Variants in MMP26 observed in about 807,000 individuals in gnomAD.
MMP26 encodes the protein matrix metalloproteinase-26.
A neutral mutation model predicts 31.0 loss-of-function variants in MMP26; 33 were observed. The observed-to-expected ratio is 1.06, with a 90% CI of 0.81 to 1.42. The LOEUF (loss-of-function observed/expected upper bound fraction) is 1.42. Among genes scored for constraint, MMP26 ranks in the 40% most tolerant of loss-of-function variants. MMP26 has a pLI of 0.00. For synonymous variants in MMP26, 122 were observed against 114.9 expected (o/e 1.06, Z -0.40); for missense variants, 347 against 316.1 (o/e 1.10, Z -0.74).
intron 2 of MMP26, among the ~76,000 whole-genome samples, chr11:4,956,085 T>A (rs1846439251): frequency 6.6e-6 from 1 of 152,208 alleles, no homozygotes; most frequent in Non-Finnish European, 1.5e-5. Flanking sequence ...AATTCTTTCT[T>A]TCAGATGTAT....
intron 2 of MMP26, among the ~76,000 whole-genome samples, chr11:4,962,682 C>CA (rs1380453439): frequency 2.0e-5 from 3 of 152,120 alleles, no homozygotes; most frequent in South Asian, 4.1e-4. Flanking sequence ...TCGGGTTTAG[C>CA]ACTTGGTTGA....
At chr11:4,881,575 A>C (rs1439154429) in intron 2 of MMP26, among the ~76,000 whole-genome samples, 1 of 152,130 alleles carries the variant, frequency 6.6e-6, no homozygotes, top group Non-Finnish European at 1.5e-5. Flanking sequence ...GATATTAAAA[A>C]ATTGTATTTT....
chr11:4,822,126 G>T, intron 2 of MMP26: 1 of 1,612,590 alleles, frequency 6.2e-7, no homozygotes, highest in Non-Finnish European at 8.5e-7. Flanking sequence ...CCTCAGAAGA[G>T]AGGCGGAAAG....
At chr11:4,803,623 G>C (rs762936076) in intron 2 of MMP26, 1 of 1,613,976 alleles carries the variant, frequency 6.2e-7, no homozygotes, top group Non-Finnish European at 8.5e-7. Context: ...GATATAAAGA[G>C]CCAAGATGAC....
intron 2 of MMP26, among the ~76,000 whole-genome samples, chr11:4,886,847 CCATTGTAGTTA>C (rs1850552256): frequency 6.6e-6 from 1 of 151,684 alleles, no homozygotes; most frequent in African/African-American, 2.4e-5. Context: ...TTTCACTTTT[CCATTGTAGTTA>C]CATTGTAGTT....
intron 1 of MMP26, among the ~76,000 whole-genome samples, chr11:4,734,910 T>TC (rs35811538): frequency 0.33 from 48,777 of 147,248 alleles, 8,599 homozygotes; most frequent in African/African-American, 0.43. Context: ...GGGTGATGGG[T>TC]CCCCAGTATT....
At chr11:4,936,174 C>G (rs562464069) in intron 2 of MMP26, among the ~76,000 whole-genome samples, 4 of 148,378 alleles carry the variant, frequency 2.7e-5, no homozygotes, top group East Asian at 2.0e-4. Flanking sequence ...CCTTGTACCT[C>G]TGGTAGAATT....
chr11:4,961,534 C>T (rs182455315), intron 2 of MMP26, among the ~76,000 whole-genome samples: 4 of 152,324 alleles, frequency 2.6e-5, no homozygotes, highest in African/African-American at 9.6e-5. Flanking sequence ...AAGTTCACCC[C>T]TTGTCAATTT....
chr11:4,901,238 A>C (rs976853135), intron 2 of MMP26, among the ~76,000 whole-genome samples: 12 of 136,330 alleles, frequency 8.8e-5, no homozygotes, highest in Non-Finnish European at 1.5e-4. Context: ...CGCTCACTGC[A>C]AGCTCTGCCC....
rs754663849 is a variant in MMP26, at chr11:4,816,376, G to A, written c.-145+49035G>A. On this transcript the variant is annotated intron_variant, in intron 2 of 7. Coordinates refer to ENST00000380390, the MANE Select transcript of MMP26 (RefSeq NM_021801.5). ...ATGAAATGTCCGTCAGGTCCATTTG[G>A]TGTAGAGCGTAATTTAAATCCAAGG... Among the ~76,000 whole-genome samples, 69 of 152,270 alleles carry A rather than the reference G, an allele frequency of 4.5e-4. 1 individual carries two copies. Among genetic ancestry groups the A allele is most frequent in the Non-Finnish European group, 7.2e-4 (49 of 68,034 alleles).
At chr11:4,959,694 T>C (rs2133619581) in intron 2 of MMP26, among the ~76,000 whole-genome samples, 1 of 152,322 alleles carries the variant, frequency 6.6e-6, no homozygotes, top group African/African-American at 2.4e-5. Context: ...ATTTATTGTG[T>C]TGATTTATTT....
chr11:4,745,714 G>A (rs1212545594), intron 1 of MMP26, among the ~76,000 whole-genome samples: 2 of 152,136 alleles, frequency 1.3e-5, no homozygotes, highest in Non-Finnish European at 2.9e-5. Flanking sequence ...GTAGTGTCAT[G>A]CAGAATAGTT....
intron 2 of MMP26, among the ~76,000 whole-genome samples, chr11:4,809,522 A>C (rs113255730): frequency 6.6e-6 from 1 of 152,220 alleles, no homozygotes; most frequent in African/African-American, 2.4e-5. Context: ...TGCTCAAGCC[A>C]GTGAGGGAAT....
chr11:4,927,411 T>C (rs1253854969), intron 2 of MMP26, among the ~76,000 whole-genome samples: 6 of 152,062 alleles, frequency 3.9e-5, no homozygotes. Flanking sequence ...AACAAAATGA[T>C]AAACATGACT....
intron 1 of MMP26, among the ~76,000 whole-genome samples, chr11:4,732,244 CT>C (rs1408488966): frequency 6.6e-6 from 1 of 152,026 alleles, no homozygotes; most frequent in African/African-American, 2.4e-5. Flanking sequence ...TTTGTTGTAT[CT>C]TTTTATGAAT....
intron 2 of MMP26, chr11:4,907,310 A>G: frequency 8.3e-7 from 1 of 1,199,016 alleles, no homozygotes; most frequent in Non-Finnish European, 1.2e-6. Context: ...AACCAAAAGC[A>G]TGACTGCTTT....
intron 1 of MMP26, among the ~76,000 whole-genome samples, chr11:4,728,544 C>A (rs190505096): frequency 6.6e-6 from 1 of 152,250 alleles, no homozygotes; most frequent in East Asian, 1.9e-4. Flanking sequence ...AATTCAGATC[C>A]CCTTTTGCCC....
intron 2 of MMP26, among the ~76,000 whole-genome samples, chr11:4,805,924 C>T (rs1849262827): frequency 6.6e-6 from 1 of 152,092 alleles, no homozygotes; most frequent in Admixed American, 6.6e-5. Flanking sequence ...ACTCAGTTGC[C>T]TGTGCTTTGT....
intron 1 of MMP26, among the ~76,000 whole-genome samples, chr11:4,757,962 A>C (rs568609447): frequency 1.3e-5 from 2 of 152,204 alleles, no homozygotes; most frequent in South Asian, 4.2e-4. Context: ...TTAAAAATTG[A>C]AACATAAACT....
Sources: allele counts gnomAD v4.1 joint callset (sites outside exome capture counted in the v4.1 genomes callset), GRCh38; gene constraint gnomAD v4.1.1; transcripts MANE v1.5; gene names NCBI Gene and HGNC (gene_info 2026-07-23, HGNC 2026-07-21).